Variants in WWC2 observed in about 807,000 individuals in gnomAD.
WWC2 encodes the protein protein WWC2.
Under a neutral mutation model 138.5 loss-of-function variants are expected in WWC2, and 101 were observed. That is an observed-to-expected ratio of 0.73 (90% CI 0.62 to 0.86). The LOEUF is 0.86. WWC2 is among the 40% of genes least tolerant of loss of function. The pLI, the probability that WWC2 is intolerant of heterozygous loss-of-function variation, is 0.00. For missense variants in WWC2, 1,420 were observed against 1,419.4 expected (o/e 1.00, Z -0.01); for synonymous variants, 558 against 538.4 (o/e 1.04, Z -0.50).
chr4:183,257,011 G>T (rs1737172493), intron 9 of WWC2, among the ~76,000 whole-genome samples: 2 of 151,364 alleles, frequency 1.3e-5, no homozygotes, highest in African/African-American at 4.9e-5. Context: ...GTGAAGCATT[G>T]CCAGGCCTAA....
chr4:183,235,446 C>G (rs1736391923), intron 4 of WWC2, among the ~76,000 whole-genome samples: 1 of 152,168 alleles, frequency 6.6e-6, no homozygotes, highest in African/African-American at 2.4e-5. Flanking sequence ...CAGCAGAGTT[C>G]TAGACTAATT....
intron 1 of WWC2, among the ~76,000 whole-genome samples, chr4:183,177,040 C>G (rs1340955549): frequency 6.6e-6 from 1 of 152,174 alleles, no homozygotes. Context: ...GTTCTAGCCA[C>G]TAAGGACCAC....
chr4:183,138,428 G>C (rs542091760), intron 1 of WWC2, among the ~76,000 whole-genome samples: 1 of 152,186 alleles, frequency 6.6e-6, no homozygotes, highest in South Asian at 2.1e-4. Context: ...TGGACATTGT[G>C]GTCTGCAGAC....
chr4:183,171,693 A>G (rs767154539), intron 1 of WWC2, among the ~76,000 whole-genome samples: 2 of 152,214 alleles, frequency 1.3e-5, no homozygotes, highest in Non-Finnish European at 2.9e-5. Context: ...CCTGTGACCC[A>G]CTACTCTCCC....
chr4:183,167,299 A>G (rs1315063359), intron 1 of WWC2, among the ~76,000 whole-genome samples: 1 of 152,214 alleles, frequency 6.6e-6, no homozygotes, highest in Non-Finnish European at 1.5e-5. Context: ...CATTGTGGGG[A>G]TAATGATGAC....
At chr4:183,248,283 T>C (rs1445993033) in intron 6 of WWC2, among the ~76,000 whole-genome samples, 2 of 152,238 alleles carry the variant, frequency 1.3e-5, no homozygotes, top group African/African-American at 4.8e-5. Context: ...AATGGCTTAA[T>C]TGAAGAAGTC....
intron 1 of WWC2, among the ~76,000 whole-genome samples, chr4:183,127,207 T>C (rs1304863208): frequency 6.6e-6 from 1 of 152,138 alleles, no homozygotes; most frequent in Non-Finnish European, 1.5e-5. Flanking sequence ...AAATTATTCC[T>C]TAAGGAAAGC....
chr4:183,233,148 C>CTTTTT (rs543576361), intron 4 of WWC2, among the ~76,000 whole-genome samples: 4 of 84,812 alleles, frequency 4.7e-5, no homozygotes, highest in African/African-American at 1.1e-4. Flanking sequence ...CTTTTTAAAC[C>CTTTTT]TTTTTTTTTT....
chr4:183,124,204 C>G (rs1295569878), intron 1 of WWC2, among the ~76,000 whole-genome samples: 2 of 152,114 alleles, frequency 1.3e-5, no homozygotes, highest in Non-Finnish European at 2.9e-5. Flanking sequence ...ATTTTCTTGT[C>G]TTCAGGGGTC....
chr4:183,103,393 A>G (rs77570337), intron 1 of WWC2, among the ~76,000 whole-genome samples: 4,080 of 145,276 alleles, frequency 0.028, 205 homozygotes, highest in African/African-American at 0.1. Context: ...GAGAGCAATG[A>G]CGTGATCTCG....
At chr4:183,143,535 TG>T (rs1048435458) in intron 1 of WWC2, among the ~76,000 whole-genome samples, 5 of 152,164 alleles carry the variant, frequency 3.3e-5, no homozygotes, top group African/African-American at 1.2e-4. Context: ...TGGCTGGGCA[TG>T]GTGACTCATG....
rs539048430 is a variant in WWC2 at position 183,319,899 on chromosome 4, A to G, written c.*4170A>G. 4.0e-5 allele frequency: 65 copies of G among 1,613,898 alleles called. No individual in the cohort carries two copies. The South Asian group carries it at 4.3e-4, about 11-fold the overall frequency. ...CTTGAGATCTCTCTGACTCTCTCCA[A>G]TTCTCAAACAGTCCAGGCCAAACCC... On this transcript the variant is annotated 3_prime_UTR_variant, in exon 23 of 23. Transcript: ENST00000403733.
At chr4:183,210,245 G>A (rs1428715358) in intron 4 of WWC2, among the ~76,000 whole-genome samples, 1 of 152,088 alleles carries the variant, frequency 6.6e-6, no homozygotes, top group Non-Finnish European at 1.5e-5. Flanking sequence ...CTGAGATAGA[G>A]AATAAAACAG....
intron 2 of WWC2, among the ~76,000 whole-genome samples, chr4:183,205,387 G>A (rs973222018): frequency 1.2e-4 from 18 of 152,084 alleles, no homozygotes; most frequent in Admixed American, 1.2e-3. Flanking sequence ...TTTATTTTTG[G>A]ACTCTATTCT....
At chr4:183,201,275 GTTT>G (rs1735289704) in intron 2 of WWC2, among the ~76,000 whole-genome samples, 1 of 2,040 alleles carries the variant, frequency 4.9e-4, no homozygotes, top group East Asian at 0.017. Context: ...CATACAGTTT[GTTT>G]GTTTTTTTTC....
intron 21 of WWC2, among the ~76,000 whole-genome samples, chr4:183,309,084 A>G (rs1739126782): frequency 6.6e-6 from 1 of 152,228 alleles, no homozygotes. Flanking sequence ...ACAAAAATTA[A>G]CTCAAAATGA....
At chr4:183,175,781 G>A (rs1316263944) in intron 1 of WWC2, among the ~76,000 whole-genome samples, 2 of 152,194 alleles carry the variant, frequency 1.3e-5, no homozygotes, top group Non-Finnish European at 2.9e-5. Context: ...GTTCGTGAAA[G>A]CACTGGGAAA....
intron 16 of WWC2, among the ~76,000 whole-genome samples, chr4:183,279,225 T>G (rs1428736652): frequency 3.3e-5 from 5 of 152,074 alleles, no homozygotes; most frequent in Admixed American, 6.5e-5. Context: ...CTGCATCTAT[T>G]GAGATAATCA....
intron 1 of WWC2, among the ~76,000 whole-genome samples, chr4:183,118,014 G>C (rs1732473754): frequency 1.3e-5 from 2 of 151,592 alleles, no homozygotes; most frequent in South Asian, 4.2e-4. Context: ...TGGCCAGGCT[G>C]GTCTTGAACT....
Sources: gnomAD v4.1 joint callset for allele counts (sites outside exome capture counted in the v4.1 genomes callset) on GRCh38, gnomAD v4.1.1 for gene constraint, MANE v1.5 for transcripts, NCBI Gene and HGNC (gene_info 2026-07-23, HGNC 2026-07-21) for gene names.